The following MACROD2 variants were observed in gnomAD, a reference collection of about 807,000 sequenced individuals.
The protein encoded by MACROD2 is ADP-ribose glycohydrolase MACROD2.
MACROD2 carries 36 observed loss-of-function variants against 70.4 expected under a neutral mutation model. That is an observed-to-expected ratio of 0.51 (90% CI 0.39 to 0.68). MACROD2 has a LOEUF of 0.68. MACROD2 is among the 30% of genes least tolerant of loss of function. The pLI is 0.00. For synonymous variants in MACROD2, 172 were observed against 178.8 expected (o/e 0.96, Z 0.30); for missense variants, 496 against 538.4 (o/e 0.92, Z 0.78).
chr20:16,025,398 A>G (rs1436563547), intron 15 of MACROD2, among the ~76,000 whole-genome samples: 2 of 152,264 alleles, frequency 1.3e-5, no homozygotes, highest in Non-Finnish European at 2.9e-5. Flanking sequence ...TGAAAAAAGC[A>G]AAAGATTCTT....
intron 6 of MACROD2, among the ~76,000 whole-genome samples, chr20:15,289,184 C>G (rs2077519619): frequency 6.6e-6 from 1 of 152,146 alleles, no homozygotes; most frequent in Non-Finnish European, 1.5e-5. Context: ...AAGGAAATGT[C>G]AAGCAGTCAA....
intron 10 of MACROD2, among the ~76,000 whole-genome samples, chr20:15,897,320 T>C (rs717146): frequency 0.94 from 143,415 of 152,178 alleles, 67,950 homozygotes; most frequent in East Asian, 1. Context: ...TTTCTGTCTG[T>C]TTTGACAATC....
At chr20:15,858,611 A>T (rs2064385233) in intron 8 of MACROD2, among the ~76,000 whole-genome samples, 1 of 152,208 alleles carries the variant, frequency 6.6e-6, no homozygotes, top group South Asian at 2.1e-4. Context: ...ATGAATTTGA[A>T]ATCAGCATTT....
At chr20:15,466,783 A>G (rs8122567) in intron 7 of MACROD2, among the ~76,000 whole-genome samples, 1 of 152,194 alleles carries the variant, frequency 6.6e-6, no homozygotes, top group Non-Finnish European at 1.5e-5. Context: ...CAGCCCTCCA[A>G]AATTATTTTT....
chr20:14,067,482 A>G (rs566458849), intron 2 of MACROD2, among the ~76,000 whole-genome samples: 64 of 152,248 alleles, frequency 4.2e-4, no homozygotes, highest in African/African-American at 1.5e-3. Context: ...GATTTCGTAC[A>G]TTTTACTAAA....
At chr20:14,776,471 A>G (rs762821838) in intron 5 of MACROD2, among the ~76,000 whole-genome samples, 3 of 152,034 alleles carry the variant, frequency 2.0e-5, no homozygotes, top group African/African-American at 4.8e-5. Flanking sequence ...CAATAATTAT[A>G]TCATAATCAC....
intron 5 of MACROD2, among the ~76,000 whole-genome samples, chr20:15,088,428 T>TATATAA (rs1555781458): frequency 5.5e-4 from 20 of 36,674 alleles, no homozygotes; most frequent in African/African-American, 1.3e-3. Context: ...TATATATATA[T>TATATAA]ATATATATAT....
At chr20:14,484,332 A>G (rs147777928) in intron 3 of MACROD2, among the ~76,000 whole-genome samples, 5 of 152,204 alleles carry the variant, frequency 3.3e-5, no homozygotes, top group African/African-American at 9.6e-5. Flanking sequence ...GTGTGTATAT[A>G]TATAGAAGTA....
chr20:15,492,488 T>G (rs1483917014), intron 7 of MACROD2, among the ~76,000 whole-genome samples: 1 of 152,164 alleles, frequency 6.6e-6, no homozygotes, highest in African/African-American at 2.4e-5. Flanking sequence ...AGTATACTGT[T>G]TGATTTCCTG....
At chr20:14,091,818 A>G (rs537496115) in intron 3 of MACROD2, among the ~76,000 whole-genome samples, 2 of 152,148 alleles carry the variant, frequency 1.3e-5, no homozygotes, top group African/African-American at 4.8e-5. Context: ...GATGTACCAG[A>G]GTTTGTTCAA....
At chr20:15,493,920 A>G (rs554216142) in intron 7 of MACROD2, among the ~76,000 whole-genome samples, 1 of 152,346 alleles carries the variant, frequency 6.6e-6, no homozygotes, top group Non-Finnish European at 1.5e-5. Context: ...TTGATGTGCT[A>G]TGGATGAAAA....
Position 14,388,171 on chromosome 20 carries a change from G to A in MACROD2, c.272-105308G>A, listed in dbSNP as rs183694797. Among the ~76,000 whole-genome samples the A allele has an allele frequency of 4.5e-3, 681 of 151,832 alleles. 4 individuals carry two copies. Among genetic ancestry groups the A allele is most frequent in the Non-Finnish European group, 6.9e-3 (471 of 67,912 alleles). On this transcript the variant is annotated intron_variant, in intron 3 of 17. Coordinates refer to ENST00000684519, the MANE Select transcript of MACROD2 (RefSeq NM_001351661.2). Reference sequence around the variant, plus strand: ...ACTATAGGCGCCTGCCACCACGCCCGGCTAATTTTTTTTTGTATTTTTAGT... The same window carrying A: ...ACTATAGGCGCCTGCCACCACGCCCAGCTAATTTTTTTTTGTATTTTTAGT...
At chr20:15,620,043 G>A (rs541137582) in intron 8 of MACROD2, among the ~76,000 whole-genome samples, 28 of 152,176 alleles carry the variant, frequency 1.8e-4, no homozygotes, top group South Asian at 4.2e-4. Context: ...GGAGACTGCC[G>A]TTGTGATCTA....
intron 6 of MACROD2, among the ~76,000 whole-genome samples, chr20:15,373,124 G>T (rs192524399): frequency 5.5e-4 from 84 of 152,178 alleles, no homozygotes; most frequent in African/African-American, 1.9e-3. Flanking sequence ...TTTTAAAAAG[G>T]TTAAAATGTT....
At chr20:15,768,141 T>C (rs2051559386) in intron 8 of MACROD2, among the ~76,000 whole-genome samples, 1 of 141,256 alleles carries the variant, frequency 7.1e-6, no homozygotes, top group South Asian at 2.1e-4. Flanking sequence ...TATGTGTCTG[T>C]GTGTGTGTGT....
At chr20:14,824,512 C>T (rs1295970662) in intron 5 of MACROD2, among the ~76,000 whole-genome samples, 1 of 151,996 alleles carries the variant, frequency 6.6e-6, no homozygotes, top group Non-Finnish European at 1.5e-5. Flanking sequence ...GGATCCACTT[C>T]CATGGTGGTT....
At chr20:14,601,715 C>T (rs1355014624) in intron 4 of MACROD2, among the ~76,000 whole-genome samples, 2 of 152,090 alleles carry the variant, frequency 1.3e-5, no homozygotes, top group Non-Finnish European at 2.9e-5. Flanking sequence ...AAAGTCATAA[C>T]TTAGCACTGG....
At chr20:15,126,332 C>T (rs975993) in intron 5 of MACROD2, among the ~76,000 whole-genome samples, 134,269 of 151,852 alleles carry the variant, frequency 0.88, 59,520 homozygotes, top group East Asian at 1. Flanking sequence ...TTCCAATTTG[C>T]CCGCATGGTT....
chr20:14,023,927 T>G (rs1252390123), intron 2 of MACROD2, among the ~76,000 whole-genome samples: 3 of 152,192 alleles, frequency 2.0e-5, no homozygotes, highest in Non-Finnish European at 4.4e-5. Flanking sequence ...TTTTTTCCAA[T>G]TCTGTGAAGA....
Sources: allele counts gnomAD v4.1 joint callset (sites outside exome capture counted in the v4.1 genomes callset), GRCh38; gene constraint gnomAD v4.1.1; transcripts MANE v1.5; gene names NCBI Gene and HGNC (gene_info 2026-07-23, HGNC 2026-07-21).